Variants in TMEM127 observed in about 807,000 individuals in gnomAD.
TMEM127 encodes transmembrane protein 127.
TMEM127 carries 21 observed loss-of-function variants against 20.1 expected under a neutral mutation model. The observed-to-expected ratio is 1.04, with a 90% CI of 0.74 to 1.50. The LOEUF (loss-of-function observed/expected upper bound fraction) is 1.50. Ranked by LOEUF, TMEM127 falls within the 40% of genes most tolerant of loss-of-function variation. The pLI is 0.00. For synonymous variants in TMEM127, 150 were observed against 144.7 expected (o/e 1.04, Z -0.26); for missense variants, 303 against 317.4 (o/e 0.95, Z 0.34).
rs1260610916 is a variant in TMEM127 at position 96,254,867 on chromosome 2, G to A, written c.375C>T (p.Ile125=). The A allele has an allele frequency of 6.2e-7, 1 of 1,614,102 alleles. No homozygotes were observed. The highest frequency in any genetic ancestry group is 1.7e-5 in the Admixed American group (1 of 60,010). The change falls in exon 3 of 4, where the codon ATC becomes ATT. Residue 125 remains isoleucine (I), a synonymous_variant. Coordinates refer to ENST00000258439, the MANE Select transcript of TMEM127 (RefSeq NM_017849.4). ...VFGPKHPALK[I]TRRYAFAHIL... The stretch of plus-strand genomic sequence containing the variant: ...TATGGGCGAAGGCATAGCGACGAGT[G>A]ATCTTCAGAGCAGGATGCTTCGGCC...
chr2:96,265,616 G>A (rs988145284), intron 1 of TMEM127, 104 bp from the exon 2 acceptor site: 2 of 424,264 alleles, frequency 4.7e-6, no homozygotes, highest in Non-Finnish European at 7.8e-6. Flanking sequence ...CTCCGGAATG[G>A]GACTGCGGGA....
rs551200730 is a variant in TMEM127 at position 96,252,085 on chromosome 2, G to A, written c.*1723C>T. On this transcript the variant is annotated 3_prime_UTR_variant, in exon 4 of 4. Transcript: ENST00000258439. This position sits in a 1 kb window ranked among gnomAD's most constrained non-coding sequence, Gnocchi z 4.2. ...CTGAGAGAAGAGTCCAGAAGAGCAG[G>A]AGAGTCACCTTTGAACACACTCTGG... is the stretch of plus-strand genomic sequence containing the variant. The A allele has an allele frequency of 4.7e-5, 11 of 233,496 alleles. No homozygotes were observed. Among genetic ancestry groups the A allele is most frequent in the African/African-American group, 2.0e-4 (9 of 45,494 alleles). 14.5% of individuals were successfully genotyped at this position (233,496 alleles called of 1,614,324 possible). A position where few individuals can be genotyped will look rare whatever the true frequency, so the allele number is the denominator to read the frequency against.
chr2:96,255,735 T>C (rs1684189066), intron 2 of TMEM127, among the ~76,000 whole-genome samples: 1 of 152,118 alleles, frequency 6.6e-6, no homozygotes, highest in Non-Finnish European at 1.5e-5. Context: ...ATTAATACTT[T>C]GGGTGGCTGA....
rs934201526 is a variant in TMEM127 at position 96,265,892 on chromosome 2, G to C, written c.-155C>G. 5.9e-6 allele frequency: 1 copy of C among 170,848 alleles called. No homozygotes were observed. The highest frequency in any genetic ancestry group is 2.4e-5 in the African/African-American group (1 of 42,194). The allele number at this position is 170,848 out of a possible 1,614,324, so 10.6% of individuals were successfully genotyped here. ...ACCAGTCAGCAGGCCCCAGGGCTGG[G>C]ATGGTGCTGCTCAGCCCAGTCACGG... On this transcript the variant is annotated 5_prime_UTR_variant, in exon 1 of 4. The change creates a new upstream start codon in the 5' untranslated region. Transcript: ENST00000258439.
intron 2 of TMEM127, among the ~76,000 whole-genome samples, chr2:96,256,048 A>C (rs1402021691): frequency 2.6e-5 from 4 of 152,048 alleles, no homozygotes; most frequent in African/African-American, 7.3e-5. Flanking sequence ...CGAGGCGGGC[A>C]GATCACGAGG....
intron 2 of TMEM127, among the ~76,000 whole-genome samples, chr2:96,258,361 G>A (rs1319782820): frequency 1.3e-5 from 2 of 152,244 alleles, no homozygotes; most frequent in African/African-American, 4.8e-5. Context: ...AGCTGACTCA[G>A]CCCAACAGAT....
chr2:96,250,610 A>G lies in TMEM127; in HGVS notation c.*3198T>C, dbSNP rs371926541. ...ATGTGTATTCTCCCTAACAACAACA[A>G]AAGAGACCTAAATGGGCTGCTCCCT... On this transcript the variant is annotated 3_prime_UTR_variant, in exon 4 of 4. Coordinates refer to ENST00000258439, the MANE Select transcript of TMEM127 (RefSeq NM_017849.4). The G allele has an allele frequency of 4.3e-6, 1 of 232,774 alleles. No homozygotes were observed. Among genetic ancestry groups the G allele is most frequent in the Admixed American group, 5.6e-5 (1 of 17,756 alleles). 14.4% of individuals were successfully genotyped at this position (232,774 alleles called of 1,614,324 possible). A position where few individuals can be genotyped will look rare whatever the true frequency, so the allele number is the denominator to read the frequency against.
Position 96,252,145 on chromosome 2 carries a change from C to T in TMEM127, c.*1663G>A, listed in dbSNP as rs756027250. 26 of 233,286 alleles carry T rather than the reference C, an allele frequency of 1.1e-4. No homozygotes were observed. Among genetic ancestry groups the T allele is most frequent in the Admixed American group, 2.2e-4 (4 of 17,782 alleles). 14.5% of individuals were successfully genotyped at this position (233,286 alleles called of 1,614,324 possible). A position where few individuals can be genotyped will look rare whatever the true frequency, so the allele number is the denominator to read the frequency against. On this transcript the variant is annotated 3_prime_UTR_variant, in exon 4 of 4. Transcript: ENST00000258439. The surrounding 1 kb of genome is among the most constrained non-coding windows in gnomAD (Gnocchi z 4.2). Reference sequence around the variant, plus strand: ...AGTGAACTGCAAGCAGCCACTGGCTCGTGTGCAGATGTGGCCCTCACCACC... The same window carrying T: ...AGTGAACTGCAAGCAGCCACTGGCTTGTGTGCAGATGTGGCCCTCACCACC...
In TMEM127 at chr2:96,252,938, T is replaced by C. The variant is rs1662541662; in HGVS notation, c.*870A>G. The C allele has an allele frequency of 4.3e-6, 1 of 233,230 alleles. No individual in the cohort carries two copies. The highest frequency in any genetic ancestry group is 8.5e-6 in the Non-Finnish European group (1 of 118,092). The allele number at this position is 233,230 out of a possible 1,614,324, so 14.4% of individuals were successfully genotyped here. On this transcript the variant is annotated 3_prime_UTR_variant, in exon 4 of 4. Coordinates refer to ENST00000258439, the MANE Select transcript of TMEM127 (RefSeq NM_017849.4). This position sits in a 1 kb window ranked among gnomAD's most constrained non-coding sequence, Gnocchi z 4.2. Reference sequence around the variant, plus strand: ...GGACTACCATGGGCTTGGAAGGAGCTACAGCCCCAAATATTGCAGAGCCAA... The same window carrying C: ...GGACTACCATGGGCTTGGAAGGAGCCACAGCCCCAAATATTGCAGAGCCAA...
rs1234869203 is a variant in TMEM127 at position 96,248,747 on chromosome 2, A to G, written c.*5061T>C. On this transcript the variant is annotated 3_prime_UTR_variant, in exon 4 of 4. Transcript: ENST00000258439. The stretch of plus-strand genomic sequence containing the variant: ...AAGACAGAAGGACAGGAACCTTCCA[A>G]ACAGGGCAGCCTGCAGGCCCTGCAC... 1 of 230,714 alleles carries G rather than the reference A, an allele frequency of 4.3e-6. No individual in the cohort carries two copies. The highest frequency in any genetic ancestry group is 5.7e-5 in the Admixed American group (1 of 17,694). 14.3% of individuals were successfully genotyped at this position (230,714 alleles called of 1,614,324 possible).
Position 96,253,657 on chromosome 2 carries a change from C to T in TMEM127, c.*151G>A. ...TCTGAGAGCAGGGATACTTGGATGA[C>T]CCTAAAGGCAGAGTCTCTCCTGGGG... On this transcript the variant is annotated 3_prime_UTR_variant, in exon 4 of 4. Coordinates refer to ENST00000258439, the MANE Select transcript of TMEM127 (RefSeq NM_017849.4). The surrounding 1 kb of genome is among the most constrained non-coding windows in gnomAD (Gnocchi z 4.3). 1.2e-6 allele frequency: 1 copy of T among 824,004 alleles called. No homozygotes were observed. Among genetic ancestry groups the T allele is most frequent in the Non-Finnish European group, 1.9e-6 (1 of 536,546 alleles). 51.0% of individuals were successfully genotyped at this position (824,004 alleles called of 1,614,324 possible).
intron 2 of TMEM127, among the ~76,000 whole-genome samples, chr2:96,257,330 C>T (rs1212056585): frequency 5.3e-5 from 8 of 151,916 alleles, no homozygotes; most frequent in Admixed American, 6.6e-5. Context: ...GCCGTGGTGG[C>T]GCGCGCCTGT....
chr2:96,258,958 T>C (rs2104295940), intron 2 of TMEM127, among the ~76,000 whole-genome samples: 1 of 152,334 alleles, frequency 6.6e-6, no homozygotes, highest in African/African-American at 2.4e-5. Context: ...AAGGAGCCTG[T>C]ATTGTTTCTT....
rs1684120216 is a variant in TMEM127 at position 96,252,792 on chromosome 2, C to G, written c.*1016G>C. On this transcript the variant is annotated 3_prime_UTR_variant, in exon 4 of 4. Coordinates refer to ENST00000258439, the MANE Select transcript of TMEM127 (RefSeq NM_017849.4). The surrounding 1 kb of genome is among the most constrained non-coding windows in gnomAD (Gnocchi z 4.2). Reference sequence around the variant, plus strand: ...CCTGAGGAGCACCACGCTGGCCCGCCAGCCAGGCCACAGTCCTCAGCCCCT... The same window carrying G: ...CCTGAGGAGCACCACGCTGGCCCGCGAGCCAGGCCACAGTCCTCAGCCCCT... The G allele has an allele frequency of 4.3e-6, 1 of 233,760 alleles. No individual in the cohort carries two copies. The highest frequency in any genetic ancestry group is 1.8e-4 in the South Asian group (1 of 5,534). The allele number at this position is 233,760 out of a possible 1,614,324, so 14.5% of individuals were successfully genotyped here. A position where few individuals can be genotyped will look rare whatever the true frequency, so the allele number is the denominator to read the frequency against.
chr2:96,253,978 C>T lies in TMEM127; in HGVS notation c.547G>A (p.Ala183Thr). 1 of 1,614,180 alleles carries T rather than the reference C, an allele frequency of 6.2e-7. No individual in the cohort carries two copies. The highest frequency in any genetic ancestry group is 8.5e-7 in the Non-Finnish European group (1 of 1,180,022). Residue 183 changes from alanine to threonine, a missense_variant, in exon 4 of 4, where the codon GCT becomes ACT. Physicochemically the swap from Ala to Thr is moderately conservative, Grantham distance 58. Coordinates refer to ENST00000258439, the MANE Select transcript of TMEM127 (RefSeq NM_017849.4). The surrounding 1 kb of genome is among the most constrained non-coding windows in gnomAD (Gnocchi z 4.3). ...FAVSFYLVAGAGGASILATAA... is the reference protein window; with the variant it reads ...FAVSFYLVAGTGGASILATAA... Reference sequence around the variant, plus strand: ...GTGGCCAGGATTGAGGCTCCACCAGCTCCTGCCACCAGGTAGAAGCTAACG... The same window carrying T: ...GTGGCCAGGATTGAGGCTCCACCAGTTCCTGCCACCAGGTAGAAGCTAACG...
At chr2:96,260,939 G>A (rs536948963) in intron 2 of TMEM127, among the ~76,000 whole-genome samples, 17 of 152,256 alleles carry the variant, frequency 1.1e-4, no homozygotes, top group African/African-American at 1.4e-4. Flanking sequence ...AACAGGCCCC[G>A]CAGGGCCTGG....
At position 96,249,743 on chromosome 2, in the gene TMEM127, C is replaced by A. The variant is rs148799239; in HGVS notation, c.*4065G>T. The A allele has an allele frequency of 4.9e-4, 115 of 233,190 alleles. 2 individuals are homozygous for A. The East Asian group carries it at 6.7e-3, about 14-fold the overall frequency. 14.4% of individuals were successfully genotyped at this position (233,190 alleles called of 1,614,324 possible). A position where few individuals can be genotyped will look rare whatever the true frequency, so the allele number is the denominator to read the frequency against. ...AGTTTGTCAGTTCCCTTCTGTCTCCCCATAGCATCTGTGTTCCATTAGTGT... is the reference window on the plus strand; with the variant it reads ...AGTTTGTCAGTTCCCTTCTGTCTCCACATAGCATCTGTGTTCCATTAGTGT... On this transcript the variant is annotated 3_prime_UTR_variant, in exon 4 of 4. Coordinates refer to ENST00000258439, the MANE Select transcript of TMEM127 (RefSeq NM_017849.4).
At chr2:96,265,784 C>A (rs1014216570) in intron 1 of TMEM127, 85 bp downstream of exon 1, 15 of 200,880 alleles carry the variant, frequency 7.5e-5, no homozygotes, top group Non-Finnish European at 1.2e-4. Context: ...CCGCGGGGAT[C>A]GGGGACCCGT....
At chr2:96,259,771 AAACAAT>A (rs1175792093) in intron 2 of TMEM127, among the ~76,000 whole-genome samples, 1 of 152,214 alleles carries the variant, frequency 6.6e-6, no homozygotes, top group Non-Finnish European at 1.5e-5. Flanking sequence ...TATCAAATGA[AAACAAT>A]AACATCTGCC....
Sources: gnomAD v4.1 joint callset for allele counts (sites outside exome capture counted in the v4.1 genomes callset) on GRCh38, gnomAD v4.1.1 for gene constraint, Gnocchi (gnomAD v3.1) non-coding constraint, MANE v1.5 for transcripts, NCBI Gene and HGNC (gene_info 2026-07-23, HGNC 2026-07-21) for gene names.